GRM1: variants seen among roughly 807,000 people sequenced by gnomAD.
The protein encoded by GRM1 is metabotropic glutamate receptor 1.
A neutral mutation model predicts 90.9 loss-of-function variants in GRM1; 33 were observed. That is an observed-to-expected ratio of 0.36 (90% CI 0.28 to 0.49). The LOEUF is 0.49. GRM1 is among the 20% of genes least tolerant of loss of function. The pLI is 0.99. For missense variants in GRM1, 1,190 were observed against 1,534.3 expected, an observed-to-expected ratio of 0.78 and a Z score of 3.75; for synonymous variants, 700 against 613.2, an observed-to-expected ratio of 1.14 and a Z score of -2.09.
At chr6:146,199,927 G>A (rs1779246512) in intron 2 of GRM1, among the ~76,000 whole-genome samples, 2 of 152,176 alleles carry the variant, frequency 1.3e-5, no homozygotes, top group South Asian at 4.1e-4. Flanking sequence ...TGAGGCAGGA[G>A]AATCGCTTGA....
At chr6:146,150,937 C>T (rs183030553) in intron 1 of GRM1, among the ~76,000 whole-genome samples, 2 of 112,504 alleles carry the variant, frequency 1.8e-5, no homozygotes, top group African/African-American at 6.0e-5. Context: ...CGCGTGTGCG[C>T]GCACACACAC....
At chr6:146,163,457 A>G (rs745662773) in intron 2 of GRM1, among the ~76,000 whole-genome samples, 22 of 152,176 alleles carry the variant, frequency 1.4e-4, no homozygotes, top group Non-Finnish European at 2.5e-4. Context: ...TAATTGTCAC[A>G]ACAATGTGAT....
intron 1 of GRM1, among the ~76,000 whole-genome samples, chr6:146,115,247 CAT>C (rs945601668): frequency 2.6e-4 from 35 of 133,038 alleles, no homozygotes; most frequent in South Asian, 7.5e-4. Flanking sequence ...CACACACACA[CAT>C]ATATATACAT....
chr6:146,381,152 CCCACCAGT>C (rs1776304287), intron 5 of GRM1, among the ~76,000 whole-genome samples: 1 of 152,178 alleles, frequency 6.6e-6, no homozygotes, highest in Non-Finnish European at 1.5e-5. Flanking sequence ...GTTATCTGCC[CCCACCAGT>C]CCACTGTCTC....
intron 2 of GRM1, among the ~76,000 whole-genome samples, chr6:146,180,174 C>G (rs913503429): frequency 3.8e-5 from 5 of 132,898 alleles, no homozygotes; most frequent in African/African-American, 1.0e-4. Context: ...AAACAAAAAA[C>G]TCTTCTTAAA....
At chr6:146,260,162 C>G (rs1471901393) in intron 2 of GRM1, among the ~76,000 whole-genome samples, 2 of 151,906 alleles carry the variant, frequency 1.3e-5, no homozygotes. Context: ...CTCCCCTAGG[C>G]CCCCACCCCT....
In GRM1 at chr6:146,371,936, T is replaced by C. The variant is rs184433716; in HGVS notation, c.1602+14242T>C. ...GCTACAACAAACATAGGAGTGCAGA[T>C]ATCTCTTCAATATACTGATTTCCTT... is the stretch of plus-strand genomic sequence containing the variant. On this transcript the variant is annotated intron_variant, in intron 5 of 7. Transcript: ENST00000282753. Among the ~76,000 whole-genome samples the C allele has an allele frequency of 6.9e-3, 1,052 of 152,274 alleles. 9 individuals carry two copies. The highest frequency in any genetic ancestry group is 0.034 in the Middle Eastern group (10 of 294).
At chr6:146,378,882 T>C (rs1377253099) in intron 5 of GRM1, among the ~76,000 whole-genome samples, 1 of 152,122 alleles carries the variant, frequency 6.6e-6, no homozygotes, top group Non-Finnish European at 1.5e-5. Context: ...AAGTGAATGA[T>C]TTTATAAAGG....
chr6:146,169,751 T>C (rs971283680), intron 2 of GRM1, among the ~76,000 whole-genome samples: 1 of 152,240 alleles, frequency 6.6e-6, no homozygotes, highest in African/African-American at 2.4e-5. Flanking sequence ...TGGAGAATTA[T>C]AGTCCTATAT....
At chr6:146,050,794 A>T (rs1308295149) in intron 1 of GRM1, among the ~76,000 whole-genome samples, 1 of 152,008 alleles carries the variant, frequency 6.6e-6, no homozygotes, top group Admixed American at 6.6e-5. Flanking sequence ...TATGCCTATG[A>T]GATTCCTGTT....
At chr6:146,310,320 G>A (rs747884815) in intron 3 of GRM1, among the ~76,000 whole-genome samples, 38 of 152,168 alleles carry the variant, frequency 2.5e-4, no homozygotes, top group Non-Finnish European at 2.8e-4. Context: ...GGCCAGATAA[G>A]ATCAGTCCAT....
Position 146,349,862 on chromosome 6 carries a change from A to G in GRM1, c.1187-2388A>G, listed in dbSNP as rs187944610. 3.4e-3 allele frequency among the ~76,000 whole-genome samples: 515 copies of G among 152,334 alleles called. 19 individuals carry two copies. Among genetic ancestry groups the G allele is most frequent in the Admixed American group, 0.033 (512 of 15,302 alleles). ...TATACATATGTATACATCTATGTACATATATTTACGTGTGTCTATACATAC... is the reference window on the plus strand; with the variant it reads ...TATACATATGTATACATCTATGTACGTATATTTACGTGTGTCTATACATAC... On this transcript the variant is annotated intron_variant, in intron 3 of 7. Coordinates refer to ENST00000282753, the MANE Select transcript of GRM1 (RefSeq NM_001278064.2).
chr6:146,160,551 C>T (rs1228248900), intron 2 of GRM1, among the ~76,000 whole-genome samples: 1 of 152,184 alleles, frequency 6.6e-6, no homozygotes, highest in Non-Finnish European at 1.5e-5. Context: ...TTTGTCTCTT[C>T]CCATCTCTTC....
At chr6:146,167,717 A>G (rs1293519081) in intron 2 of GRM1, among the ~76,000 whole-genome samples, 2 of 152,010 alleles carry the variant, frequency 1.3e-5, no homozygotes, top group East Asian at 3.9e-4. Flanking sequence ...ATCTATGTCC[A>G]TTTGGATTTT....
chr6:146,361,464 T>C (rs776868109), intron 5 of GRM1, among the ~76,000 whole-genome samples: 4 of 152,134 alleles, frequency 2.6e-5, no homozygotes, highest in Non-Finnish European at 5.9e-5. Context: ...CACTGCTGTT[T>C]TCCTTGCTGT....
At chr6:146,166,887 T>G (rs1777926921) in intron 2 of GRM1, among the ~76,000 whole-genome samples, 1 of 152,140 alleles carries the variant, frequency 6.6e-6, no homozygotes, top group Non-Finnish European at 1.5e-5. Flanking sequence ...TTTAATATGC[T>G]GGGGAAGGGA....
chr6:146,300,753 A>G (rs1223084334), intron 2 of GRM1, among the ~76,000 whole-genome samples: 1 of 152,210 alleles, frequency 6.6e-6, no homozygotes, highest in Non-Finnish European at 1.5e-5. Context: ...GATTCACTCC[A>G]GACACTTGGC....
At chr6:146,374,149 A>C (rs1476310261) in intron 5 of GRM1, among the ~76,000 whole-genome samples, 2 of 96,196 alleles carry the variant, frequency 2.1e-5, no homozygotes, top group African/African-American at 1.7e-4. Flanking sequence ...TTCTGTTGAT[A>C]TGATGTATCG....
intron 2 of GRM1, among the ~76,000 whole-genome samples, chr6:146,289,529 A>T (rs1393372766): frequency 6.6e-6 from 1 of 152,186 alleles, no homozygotes; most frequent in Non-Finnish European, 1.5e-5. Flanking sequence ...TTATGGAAGA[A>T]AAAAGTACGT....
Sources: gnomAD v4.1 joint callset for allele counts (sites outside exome capture counted in the v4.1 genomes callset) on GRCh38, gnomAD v4.1.1 for gene constraint, MANE v1.5 for transcripts, NCBI Gene and HGNC (gene_info 2026-07-23, HGNC 2026-07-21) for gene names.